RARB: variants seen among roughly 807,000 people sequenced by gnomAD.
RARB encodes retinoic acid receptor beta.
Under a neutral mutation model 51.9 loss-of-function variants are expected in RARB, and 17 were observed. The ratio of observed to expected loss-of-function variants is 0.33; its 90% CI spans 0.22 to 0.49. The LOEUF (loss-of-function observed/expected upper bound fraction) is 0.49. RARB is among the 20% of genes least tolerant of loss of function. RARB has a pLI of 0.99. For synonymous variants in RARB, 215 were observed against 195.4 expected (o/e 1.10, Z -0.84); for missense variants, 369 against 550.8 (o/e 0.67, Z 3.30).
chr3:25,125,446 G>A (rs1349824666), intron 3 of RARB, among the ~76,000 whole-genome samples: 2 of 152,154 alleles, frequency 1.3e-5, no homozygotes, highest in South Asian at 2.1e-4. Flanking sequence ...CAAAATTGCA[G>A]CGTGTCTTAA....
At chr3:25,105,852 C>T (rs970539840) in intron 3 of RARB, among the ~76,000 whole-genome samples, 3 of 152,130 alleles carry the variant, frequency 2.0e-5, no homozygotes, top group African/African-American at 4.8e-5. Context: ...TTTTCTATGC[C>T]TTATCAATTT....
At position 24,935,390 on chromosome 3, in the gene RARB, A is replaced by T. The variant is rs77545320; in HGVS notation, c.-380+76638A>T. The stretch of plus-strand genomic sequence containing the variant: ...AACCCACACACACCCACACTCTCAG[A>T]CACACTACAGCAGTATATGAAAATC... On this transcript the variant is annotated intron_variant, in intron 2 of 11. Coordinates refer to the RARB transcript ENST00000383772. 4.9e-4 allele frequency among the ~76,000 whole-genome samples: 74 copies of T among 152,266 alleles called. No homozygotes were observed. In the East Asian group the frequency reaches 0.014, roughly 29 times the overall value.
chr3:25,053,463 G>A (rs895984993), intron 2 of RARB, among the ~76,000 whole-genome samples: 2 of 152,140 alleles, frequency 1.3e-5, no homozygotes, highest in Non-Finnish European at 2.9e-5. Context: ...GAGTTGAAAT[G>A]AATTGAATCC....
intron 3 of RARB, among the ~76,000 whole-genome samples, chr3:25,091,238 G>C (rs956280195): frequency 6.6e-6 from 1 of 152,170 alleles, no homozygotes. Context: ...ACAGAGAATT[G>C]AATGTGCACT....
At chr3:24,957,404 C>T (rs1284365290) in intron 2 of RARB, among the ~76,000 whole-genome samples, 1 of 152,130 alleles carries the variant, frequency 6.6e-6, no homozygotes. Context: ...GGAACCCTAG[C>T]TGACGACAGC....
intron 1 of RARB, among the ~76,000 whole-genome samples, chr3:25,443,409 C>T (rs1299184735): frequency 7.5e-6 from 1 of 133,474 alleles, no homozygotes; most frequent in African/African-American, 2.7e-5. Context: ...CCCCTTGTCC[C>T]CCCCACCACC....
chr3:24,877,319 T>G (rs1026742313), intron 2 of RARB, among the ~76,000 whole-genome samples: 24 of 145,462 alleles, frequency 1.6e-4, no homozygotes, highest in African/African-American at 5.1e-5. Flanking sequence ...ATAATTTACA[T>G]GATAGTAATT....
At chr3:25,196,313 A>T (rs1701234826) in intron 5 of RARB, among the ~76,000 whole-genome samples, 1 of 151,776 alleles carries the variant, frequency 6.6e-6, no homozygotes, top group Non-Finnish European at 1.5e-5. Flanking sequence ...GAGTGAGAAC[A>T]TGTAGTGTTT....
intron 5 of RARB, among the ~76,000 whole-genome samples, chr3:25,228,827 G>C (rs2125388986): frequency 6.6e-6 from 1 of 152,280 alleles, no homozygotes; most frequent in East Asian, 1.9e-4. Flanking sequence ...TTCTGCTCTA[G>C]ATGAATGTTT....
intron 3 of RARB, among the ~76,000 whole-genome samples, chr3:25,062,275 G>A (rs1385264367): frequency 2.0e-5 from 3 of 151,748 alleles, no homozygotes; most frequent in Non-Finnish European, 4.4e-5. Context: ...ACATATAAAA[G>A]CTATATTTTG....
At chr3:24,899,887 G>A (rs986222861) in intron 2 of RARB, among the ~76,000 whole-genome samples, 13 of 150,970 alleles carry the variant, frequency 8.6e-5, no homozygotes, top group African/African-American at 3.2e-4. Context: ...AAATTTAGGA[G>A]GAAGGAAGGG....
chr3:25,596,205 C>T (rs1701820923), intron 7 of RARB, among the ~76,000 whole-genome samples: 2 of 152,168 alleles, frequency 1.3e-5, no homozygotes, highest in Non-Finnish European at 2.9e-5. Flanking sequence ...ATGCAGTTCC[C>T]ATTCCAAATA....
intron 5 of RARB, among the ~76,000 whole-genome samples, chr3:25,288,631 C>T (rs568805577): frequency 4.6e-5 from 7 of 152,260 alleles, no homozygotes; most frequent in African/African-American, 1.4e-4. Flanking sequence ...TGGCTTTCAC[C>T]ACTGGAGATG....
chr3:24,984,619 C>T (rs1696747981), intron 2 of RARB, among the ~76,000 whole-genome samples: 1 of 152,142 alleles, frequency 6.6e-6, no homozygotes, highest in Non-Finnish European at 1.5e-5. Flanking sequence ...GAGAAATATT[C>T]ATCAAAGGGT....
chr3:25,406,734 G>C (rs1707419635), intron 5 of RARB, among the ~76,000 whole-genome samples: 1 of 152,196 alleles, frequency 6.6e-6, no homozygotes, highest in Admixed American at 6.5e-5. Flanking sequence ...GGAATGAAGG[G>C]AGAAAGGGCG....
chr3:25,210,553 T>TTTTTTTAA (rs869216441), intron 5 of RARB, among the ~76,000 whole-genome samples: 1 of 82,498 alleles, frequency 1.2e-5, no homozygotes, highest in Non-Finnish European at 2.4e-5. Context: ...TTTTTTTTTT[T>TTTTTTTAA]GAGATTGAGT....
chr3:25,058,632 A>G (rs907276372), intron 2 of RARB, among the ~76,000 whole-genome samples: 2 of 151,734 alleles, frequency 1.3e-5, no homozygotes, highest in African/African-American at 4.8e-5. Flanking sequence ...ACAGAATAAG[A>G]GGGGCATGAG....
chr3:25,091,617 A>C (rs1699201324), intron 3 of RARB, among the ~76,000 whole-genome samples: 1 of 152,162 alleles, frequency 6.6e-6, no homozygotes, highest in African/African-American at 2.4e-5. Context: ...GTGCTCATAT[A>C]CATAAATGCA....
intron 2 of RARB, among the ~76,000 whole-genome samples, chr3:24,909,563 CT>C (rs1304213068): frequency 0.03 from 4,167 of 140,550 alleles, 78 homozygotes; most frequent in Middle Eastern, 0.089. Flanking sequence ...TTTTCTTCAT[CT>C]TTTTTTTTTT....
Sources: gnomAD v4.1 joint callset for allele counts (sites outside exome capture counted in the v4.1 genomes callset) on GRCh38, gnomAD v4.1.1 for gene constraint, MANE v1.5 for transcripts, NCBI Gene and HGNC (gene_info 2026-07-23, HGNC 2026-07-21) for gene names.